CAMTA1: variants seen among roughly 807,000 people sequenced by gnomAD.
CAMTA1 encodes calmodulin-binding transcription activator 1.
CAMTA1 carries 27 observed loss-of-function variants against 170.9 expected under a neutral mutation model. The observed-to-expected ratio is 0.16, with a 90% confidence interval of 0.12 to 0.22. CAMTA1 has a LOEUF of 0.22. CAMTA1 is among the 10% of genes least tolerant of loss of function. CAMTA1 has a pLI of 1.00. For missense variants in CAMTA1, 1,619 were observed against 2,217.2 expected, an observed-to-expected ratio of 0.73 and a Z score of 5.42; for synonymous variants, 833 against 891.5, an observed-to-expected ratio of 0.93 and a Z score of 1.17.
intron 11 of CAMTA1, among the ~76,000 whole-genome samples, chr1:7,715,432 CT>C (rs34965685): frequency 1.1e-3 from 157 of 142,228 alleles, no homozygotes; most frequent in Middle Eastern, 3.7e-3. Context: ...TAGCCACACA[CT>C]TTTTTTTTTT....
At chr1:7,669,756 G>C (rs1350933067) in intron 9 of CAMTA1, among the ~76,000 whole-genome samples, 1 of 152,182 alleles carries the variant, frequency 6.6e-6, no homozygotes, top group East Asian at 1.9e-4. Flanking sequence ...GTCCACCCAA[G>C]GTTAGCCAGG....
At chr1:7,227,609 A>G (rs541836646) in intron 4 of CAMTA1, among the ~76,000 whole-genome samples, 1 of 152,320 alleles carries the variant, frequency 6.6e-6, no homozygotes, top group South Asian at 2.1e-4. Context: ...GATTACAGGC[A>G]TGAGCCATTG....
At chr1:6,842,788 G>T (rs1214657469) in intron 3 of CAMTA1, among the ~76,000 whole-genome samples, 1 of 152,106 alleles carries the variant, frequency 6.6e-6, no homozygotes. Flanking sequence ...GCTGGGCATG[G>T]TGGTGCATGC....
intron 5 of CAMTA1, among the ~76,000 whole-genome samples, chr1:7,317,929 C>T (rs1677776418): frequency 6.6e-6 from 1 of 152,194 alleles, no homozygotes; most frequent in Non-Finnish European, 1.5e-5. Context: ...CCTTTTTAAG[C>T]CAAGGGGAGA....
At chr1:7,198,901 A>G (rs943788629) in intron 4 of CAMTA1, among the ~76,000 whole-genome samples, 13 of 152,164 alleles carry the variant, frequency 8.5e-5, no homozygotes, top group African/African-American at 2.2e-4. Context: ...AGGCAGGAGC[A>G]CACAGGCCCC....
intron 6 of CAMTA1, among the ~76,000 whole-genome samples, chr1:7,523,739 C>T (rs975171687): frequency 2.0e-4 from 31 of 151,460 alleles, no homozygotes; most frequent in African/African-American, 6.8e-4. Flanking sequence ...AAAAATTAGC[C>T]GGGCGTGGTA....
intron 5 of CAMTA1, among the ~76,000 whole-genome samples, chr1:7,296,350 C>T (rs1328736945): frequency 6.6e-6 from 1 of 152,208 alleles, no homozygotes; most frequent in African/African-American, 2.4e-5. Flanking sequence ...ACCTGTTTGG[C>T]TCCAGTACTT....
At chr1:6,858,491 G>GT (rs200001079) in intron 3 of CAMTA1, among the ~76,000 whole-genome samples, 2,460 of 146,330 alleles carry the variant, frequency 0.017, 109 homozygotes, top group Middle Eastern at 0.031. Context: ...TGTGTTGGGG[G>GT]GGGGGTGTTG....
rs1232077335 is a variant in CAMTA1 at position 7,283,403 on chromosome 1, C to T, written c.438+33777C>T. ...CCGCTCTCTACTTTCTCCGAGGTTC[C>T]AGCTCATCCATACCTACAGCTCCAG... On this transcript the variant is annotated intron_variant, in intron 5 of 22. Coordinates refer to ENST00000303635, the MANE Select transcript of CAMTA1 (RefSeq NM_015215.4). Among the ~76,000 whole-genome samples, 3 of 152,166 alleles carry T rather than the reference C, an allele frequency of 2.0e-5. No homozygotes were observed. In the East Asian group the frequency reaches 5.8e-4, roughly 29 times the overall value.
chr1:7,198,524 G>A (rs1656008998), intron 4 of CAMTA1, among the ~76,000 whole-genome samples: 1 of 151,984 alleles, frequency 6.6e-6, no homozygotes, highest in Non-Finnish European at 1.5e-5. Flanking sequence ...GCAGCCCTGG[G>A]TGCTCCCGAC....
At chr1:7,660,559 T>C (rs2095946307) in intron 7 of CAMTA1, among the ~76,000 whole-genome samples, 1 of 152,052 alleles carries the variant, frequency 6.6e-6, no homozygotes, top group Admixed American at 6.6e-5. Context: ...TAAGTAAAAC[T>C]TGGACTCAAA....
intron 4 of CAMTA1, among the ~76,000 whole-genome samples, chr1:7,110,227 G>A (rs905774853): frequency 2.0e-5 from 3 of 151,936 alleles, no homozygotes; most frequent in Non-Finnish European, 4.4e-5. Context: ...ACATTTTCTG[G>A]GCCATGTAAC....
At chr1:7,504,344 A>G (rs1215033925) in intron 6 of CAMTA1, among the ~76,000 whole-genome samples, 1 of 152,188 alleles carries the variant, frequency 6.6e-6, no homozygotes, top group Non-Finnish European at 1.5e-5. Flanking sequence ...CCAGGCTTGG[A>G]GAATGTGTCC....
At chr1:7,331,326 G>T (rs1166703924) in intron 5 of CAMTA1, among the ~76,000 whole-genome samples, 1 of 152,186 alleles carries the variant, frequency 6.6e-6, no homozygotes, top group East Asian at 1.9e-4. Flanking sequence ...CATCGGTTTG[G>T]CCAGGTACCC....
chr1:7,622,617 G>T (rs988744148), intron 6 of CAMTA1, among the ~76,000 whole-genome samples: 2 of 152,228 alleles, frequency 1.3e-5, no homozygotes, highest in East Asian at 3.8e-4. Context: ...GTGAGTATTT[G>T]ATCTTGGCCA....
intron 3 of CAMTA1, among the ~76,000 whole-genome samples, chr1:7,073,789 A>G (rs558948266): frequency 1.5e-3 from 222 of 152,272 alleles, no homozygotes; most frequent in African/African-American, 5.1e-3. Context: ...TGGGCTTGGG[A>G]GAGAATGGAA....
intron 6 of CAMTA1, among the ~76,000 whole-genome samples, chr1:7,625,569 G>A (rs145843569): frequency 5.1e-4 from 78 of 152,374 alleles, no homozygotes; most frequent in Non-Finnish European, 9.0e-4. Flanking sequence ...CCACCCCACC[G>A]TTGTCTTCAG....
In CAMTA1 at chr1:7,067,479, T is replaced by C. The variant is rs1424500934; in HGVS notation, c.235-23825T>C. On this transcript the variant is annotated intron_variant, in intron 3 of 22. Transcript: ENST00000303635. The surrounding 1 kb of genome is among the most constrained non-coding windows in gnomAD (Gnocchi z 4.3). ...AGGGGGATTTGAATGATCTTGACTC[T>C]GTTCCCAACCAGCCTCTTGGTTTAA... Among the ~76,000 whole-genome samples, 1 of 152,234 alleles carries C rather than the reference T, an allele frequency of 6.6e-6. No individual in the cohort carries two copies. The highest frequency in any genetic ancestry group is 1.5e-5 in the Non-Finnish European group (1 of 68,026).
chr1:7,615,049 T>C (rs1045531444), intron 6 of CAMTA1, among the ~76,000 whole-genome samples: 4 of 152,240 alleles, frequency 2.6e-5, no homozygotes, highest in Non-Finnish European at 5.9e-5. Context: ...CTTCATTCAT[T>C]CACTCATTCG....
Sources: allele counts gnomAD v4.1 joint callset (sites outside exome capture counted in the v4.1 genomes callset), GRCh38; gene constraint gnomAD v4.1.1; non-coding constraint Gnocchi (gnomAD v3.1); transcripts MANE v1.5; gene names NCBI Gene and HGNC (gene_info 2026-07-23, HGNC 2026-07-21).